Variants in MYLK4 observed in about 807,000 individuals in gnomAD.
The protein encoded by MYLK4 is myosin light chain kinase family member 4.
MYLK4 carries 46 observed loss-of-function variants against 48.1 expected under a neutral mutation model. The ratio of observed to expected loss-of-function variants is 0.96; its 90% CI spans 0.75 to 1.22. MYLK4 has a LOEUF of 1.22. MYLK4 is among the 50% of genes most tolerant of loss of function. The probability of loss-of-function intolerance (pLI) is 0.00; values close to 1 mark genes in which losing one functional copy is unlikely to be tolerated. For synonymous variants in MYLK4, 170 were observed against 180.8 expected (o/e 0.94, Z 0.48); for missense variants, 451 against 486.1 (o/e 0.93, Z 0.68).
At chr6:2,768,062 G>T in the MYLK4 span, among the ~76,000 whole-genome samples, 16 of 152,236 alleles carry the variant, frequency 1.1e-4, no homozygotes, top group South Asian at 8.3e-4. Context: ...CATATTTGTT[G>T]AGGACCCAAG....
intron 2 of MYLK4, among the ~76,000 whole-genome samples, chr6:2,700,916 T>TA (rs780173446): frequency 3.3e-5 from 5 of 152,178 alleles, no homozygotes; most frequent in Non-Finnish European, 7.3e-5. Flanking sequence ...AAAGTATATC[T>TA]AAAAACTATA....
At chr6:2,756,244 T>C in the MYLK4 span, among the ~76,000 whole-genome samples, 2 of 152,250 alleles carry the variant, frequency 1.3e-5, no homozygotes, top group Non-Finnish European at 2.9e-5. Flanking sequence ...CTCTCTTTAG[T>C]ATCAGGATGA....
intron 3 of MYLK4, among the ~76,000 whole-genome samples, chr6:2,691,746 T>C (rs1761810563): frequency 6.6e-6 from 1 of 152,226 alleles, no homozygotes; most frequent in African/African-American, 2.4e-5. Context: ...ATCATCTTTG[T>C]CTACCAGTTG....
chr6:2,766,380 G>A, the MYLK4 span: 36 of 1,608,314 alleles, frequency 2.2e-5, no homozygotes, highest in Non-Finnish European at 3.0e-5. Flanking sequence ...ACCCTGCTGC[G>A]CTCGCTCCTG....
intron 2 of MYLK4, among the ~76,000 whole-genome samples, chr6:2,710,424 A>G (rs1177609795): frequency 6.6e-6 from 1 of 152,304 alleles, no homozygotes; most frequent in East Asian, 1.9e-4. Flanking sequence ...CAGGAAACCA[A>G]CCATCAGGTC....
At chr6:2,759,197 C>A in the MYLK4 span, among the ~76,000 whole-genome samples, 1 of 152,144 alleles carries the variant, frequency 6.6e-6, no homozygotes, top group Non-Finnish European at 1.5e-5. Flanking sequence ...CTCACTGTGG[C>A]CTTGAATTCC....
intron 2 of MYLK4, among the ~76,000 whole-genome samples, chr6:2,742,242 G>A (rs547268177): frequency 1.3e-4 from 20 of 152,196 alleles, no homozygotes; most frequent in Non-Finnish European, 2.2e-4. Flanking sequence ...CGGGAAAGGC[G>A]CAGGCCATGC....
intron 2 of MYLK4, among the ~76,000 whole-genome samples, chr6:2,740,038 G>A (rs1269585218): frequency 6.6e-6 from 1 of 152,208 alleles, no homozygotes; most frequent in East Asian, 1.9e-4. Context: ...GAAGCACGAA[G>A]TTGGGTATAG....
At chr6:2,722,510 GGAGTGTGTGT>G (rs1296727300) in intron 2 of MYLK4, among the ~76,000 whole-genome samples, 5 of 105,304 alleles carry the variant, frequency 4.7e-5, no homozygotes, top group African/African-American at 1.0e-4. Context: ...GGACATAAAA[GGAGTGTGTGT>G]GTGTGTGTGT....
upstream of MYLK4, among the ~76,000 whole-genome samples, chr6:2,753,581 T>C (rs751642016): frequency 2.0e-4 from 30 of 152,178 alleles, no homozygotes; most frequent in Non-Finnish European, 3.7e-4. Flanking sequence ...GAAAAGACAC[T>C]ATTATGAAAA....
the MYLK4 span, among the ~76,000 whole-genome samples, chr6:2,763,356 G>A: frequency 6.6e-6 from 1 of 152,248 alleles, no homozygotes; most frequent in Non-Finnish European, 1.5e-5. Context: ...GCTCTGGGGT[G>A]GTGAACGGCC....
At chr6:2,674,895 C>T (rs984566094) in intron 11 of MYLK4, 152 bp downstream of exon 11, 25 of 673,988 alleles carry the variant, frequency 3.7e-5, no homozygotes, top group Admixed American at 6.2e-5. Context: ...TTTAAAAAAG[C>T]ATTTTAAGTA....
In MYLK4 at chr6:2,737,990, GGT is replaced by G. The variant is rs796549257; in HGVS notation, c.159+11144_159+11145del. On this transcript the variant is annotated intron_variant, in intron 2 of 12. Transcript: ENST00000274643. ...GGGTGCCGGGGGCGGGTGGGGGGGG[GGT>G]GGTCAATGTTATTAACCCCAGATGA... is the stretch of plus-strand genomic sequence containing the variant. Among the ~76,000 whole-genome samples the G allele has an allele frequency of 9.0e-3, 257 of 28,568 alleles. 43 individuals are homozygous for G. Among genetic ancestry groups the G allele is most frequent in the African/African-American group, 0.022 (138 of 6,296 alleles). The allele number at this position is 28,568 out of a possible 152,430, so 18.7% of individuals were successfully genotyped here. A position where few individuals can be genotyped will look rare whatever the true frequency, so the allele number is the denominator to read the frequency against.
chr6:2,765,836 C>T, the MYLK4 span: 13 of 1,379,766 alleles, frequency 9.4e-6, no homozygotes, highest in African/African-American at 3.0e-5. Flanking sequence ...CGCCAAGAGG[C>T]GGCGGCTGTC....
intron 2 of MYLK4, among the ~76,000 whole-genome samples, chr6:2,716,360 G>A (rs946363305): frequency 1.2e-4 from 19 of 152,216 alleles, no homozygotes; most frequent in South Asian, 1.0e-3. Context: ...ATGTGTTTAA[G>A]TGTGATCCTG....
chr6:2,730,931 G>T (rs1015045661), intron 2 of MYLK4, among the ~76,000 whole-genome samples: 1 of 152,120 alleles, frequency 6.6e-6, no homozygotes, highest in Non-Finnish European at 1.5e-5. Context: ...GTTACGGGAG[G>T]CTGCTTAAAC....
At chr6:2,701,162 C>T (rs1199713826) in intron 2 of MYLK4, among the ~76,000 whole-genome samples, 1 of 152,208 alleles carries the variant, frequency 6.6e-6, no homozygotes, top group African/African-American at 2.4e-5. Context: ...ATGAAGTTTA[C>T]AGTGTTTCTT....
At chr6:2,732,115 G>A (rs1410528108) in intron 2 of MYLK4, among the ~76,000 whole-genome samples, 1 of 152,208 alleles carries the variant, frequency 6.6e-6, no homozygotes, top group African/African-American at 2.4e-5. Context: ...GCTGGCCTTT[G>A]GCCAGCCTTG....
intron 2 of MYLK4, among the ~76,000 whole-genome samples, chr6:2,734,512 T>C (rs1391734974): frequency 6.6e-6 from 1 of 152,166 alleles, no homozygotes; most frequent in Non-Finnish European, 1.5e-5. Context: ...GGACTATTAT[T>C]AGAAATATTT....
Sources: allele counts gnomAD v4.1 joint callset (sites outside exome capture counted in the v4.1 genomes callset), GRCh38; gene constraint gnomAD v4.1.1; transcripts MANE v1.5; gene names NCBI Gene and HGNC (gene_info 2026-07-23, HGNC 2026-07-21).